Variants in IFT57 observed in about 807,000 individuals in gnomAD.
IFT57 encodes the protein intraflagellar transport 57.
A neutral mutation model predicts 56.8 loss-of-function variants in IFT57; 59 were observed. The ratio of observed to expected loss-of-function variants is 1.04; its 90% CI spans 0.84 to 1.29. The LOEUF is 1.29. Ranked by LOEUF, IFT57 falls within the 50% of genes most tolerant of loss-of-function variation. The pLI is 0.00. For synonymous variants in IFT57, 209 were observed against 186.1 expected (o/e 1.12, Z -1.00); for missense variants, 470 against 522.1 (o/e 0.90, Z 0.97).
intron 4 of IFT57, 144 bp downstream of exon 4, chr3:108,213,787 T>C (rs1343667317): frequency 1.6e-5 from 9 of 565,872 alleles, no homozygotes; most frequent in Non-Finnish European, 2.9e-5. Flanking sequence ...TAAATGATGA[T>C]ACTCAGCACT....
intron 6 of IFT57, among the ~76,000 whole-genome samples, chr3:108,169,887 G>A (rs327163): frequency 1 from 152,003 of 152,196 alleles, 75,905 homozygotes; most frequent in Middle Eastern, 1. Context: ...AACAGAACCA[G>A]TGACAAAAAC....
At chr3:108,163,316 C>A (rs866355613) in intron 10 of IFT57, among the ~76,000 whole-genome samples, 1 of 152,012 alleles carries the variant, frequency 6.6e-6, no homozygotes, top group South Asian at 2.1e-4. Flanking sequence ...ATACTTAGTG[C>A]CCTTTTGTAT....
At chr3:108,191,476 A>G (rs1314004975) in intron 6 of IFT57, 45 bp downstream of exon 6, 4 of 1,361,290 alleles carry the variant, frequency 2.9e-6, no homozygotes, top group Non-Finnish European at 4.0e-6. Context: ...AAGTTTCCTT[A>G]TAACTTTTTT....
intron 5 of IFT57, among the ~76,000 whole-genome samples, chr3:108,202,526 T>C (rs1277217695): frequency 6.6e-6 from 1 of 152,222 alleles, no homozygotes; most frequent in Non-Finnish European, 1.5e-5. Flanking sequence ...TAGCTTTGGC[T>C]AAATTTCAGA....
chr3:108,202,207 C>T (rs527743186), intron 5 of IFT57, among the ~76,000 whole-genome samples: 3 of 152,326 alleles, frequency 2.0e-5, no homozygotes, highest in East Asian at 3.9e-4. Context: ...GACACATCTG[C>T]ATTATGCTGC....
Position 108,163,662 on chromosome 3 carries a change from C to A in IFT57, c.1111+1G>T. On this transcript the variant is annotated splice_donor_variant, in intron 10 of 10. Coordinates refer to ENST00000264538, the MANE Select transcript of IFT57 (RefSeq NM_018010.4). LOFTEE classifies it high-confidence loss of function. The stretch of plus-strand genomic sequence containing the variant: ...TTCCCCTAAAATGAGCATGTACTTA[C>A]CACCATCAGTCATGCTGCTGCCCTT... 1 of 1,606,276 alleles carries A rather than the reference C, an allele frequency of 6.2e-7. No homozygotes were observed. The highest frequency in any genetic ancestry group is 8.5e-7 in the Non-Finnish European group (1 of 1,173,686).
rs963904467 is a variant in IFT57 at position 108,189,705 on chromosome 3, C to T, written c.777+1816G>A. Among the ~76,000 whole-genome samples the T allele has an allele frequency of 4.6e-5, 7 of 152,170 alleles. No homozygotes were observed. The East Asian group carries it at 5.8e-4, about 13-fold the overall frequency. On this transcript the variant is annotated intron_variant, in intron 6 of 10. Coordinates refer to ENST00000264538, the MANE Select transcript of IFT57 (RefSeq NM_018010.4). Reference sequence around the variant, plus strand: ...TTCTGAAGTCATTACAGTTGACCCTCGAACAATGCAGAGGTTGGTCGTTAG... The same window carrying T: ...TTCTGAAGTCATTACAGTTGACCCTTGAACAATGCAGAGGTTGGTCGTTAG...
chr3:108,219,475 G>A lies in IFT57; in HGVS notation c.310C>T (p.Gln104Ter), dbSNP rs756910256. 5 of 1,613,728 alleles carry A rather than the reference G, an allele frequency of 3.1e-6. No homozygotes were observed. The East Asian group carries it at 6.7e-5, about 22-fold the overall frequency. ...TTAGGGTCATCATATTCTTGAGGCTGCTCAAAGGGACGTCCCGCTTTATTA... is the reference window on the plus strand; with the variant it reads ...TTAGGGTCATCATATTCTTGAGGCTACTCAAAGGGACGTCCCGCTTTATTA... ...LINKAGRPFE[Q>*]PQEYDDPNAT... Residue 104 changes from glutamine to a stop codon, truncating the protein, a stop_gained, in exon 2 of 11, where the codon CAG becomes TAG. Transcript: ENST00000264538. LOFTEE classifies it high-confidence loss of function.
intron 6 of IFT57, among the ~76,000 whole-genome samples, chr3:108,178,201 G>A (rs2080134183): frequency 2.0e-5 from 3 of 151,836 alleles, no homozygotes; most frequent in Non-Finnish European, 4.4e-5. Context: ...AACCTTTTCA[G>A]TAAACTGTCT....
At chr3:108,175,162 G>T (rs571795435) in intron 6 of IFT57, among the ~76,000 whole-genome samples, 95 of 151,830 alleles carry the variant, frequency 6.3e-4, no homozygotes, top group African/African-American at 2.2e-3. Context: ...TCTTGCTGGG[G>T]TCTACTGGTC....
chr3:108,171,633 C>G (rs2080092810), intron 6 of IFT57, among the ~76,000 whole-genome samples: 1 of 151,864 alleles, frequency 6.6e-6, no homozygotes, highest in Non-Finnish European at 1.5e-5. Flanking sequence ...AAGGCCCCTC[C>G]AAGTCAGCTA....
chr3:108,185,137 T>C (rs73850827), intron 6 of IFT57, among the ~76,000 whole-genome samples: 2,109 of 152,290 alleles, frequency 0.014, 45 homozygotes, highest in African/African-American at 0.048. Flanking sequence ...CTTTCGCTTT[T>C]TGCAAAATAC....
intron 4 of IFT57, among the ~76,000 whole-genome samples, chr3:108,210,860 G>C (rs539306719): frequency 6.6e-6 from 1 of 152,306 alleles, no homozygotes; most frequent in South Asian, 2.1e-4. Context: ...AAGGCCTTCA[G>C]TTTGCTCTTA....
At chr3:108,217,900 A>C (rs925095399) in intron 3 of IFT57, among the ~76,000 whole-genome samples, 1 of 151,976 alleles carries the variant, frequency 6.6e-6, no homozygotes, top group Non-Finnish European at 1.5e-5. Flanking sequence ...TCTATTAAAC[A>C]TCTAAGATAC....
intron 3 of IFT57, among the ~76,000 whole-genome samples, chr3:108,217,984 C>A (rs1294346683): frequency 7.2e-6 from 1 of 138,466 alleles, no homozygotes; most frequent in African/African-American, 2.6e-5. Context: ...TAGTAAAGAA[C>A]AATTTTATAC....
chr3:108,172,148 CCA>C (rs1299422247), intron 6 of IFT57, among the ~76,000 whole-genome samples: 1 of 151,820 alleles, frequency 6.6e-6, no homozygotes, highest in Non-Finnish European at 1.5e-5. Flanking sequence ...ATGTAAAACT[CCA>C]TGGAGGGGCT....
chr3:108,213,416 T>C (rs943318942), intron 4 of IFT57, among the ~76,000 whole-genome samples: 2 of 152,220 alleles, frequency 1.3e-5, no homozygotes, highest in African/African-American at 4.8e-5. Context: ...CTCTGTCATC[T>C]TTAGCTGCAC....
chr3:108,167,753 G>T, intron 7 of IFT57, 40 bp downstream of exon 7: 2 of 1,333,026 alleles, frequency 1.5e-6, no homozygotes, highest in South Asian at 1.5e-5. Context: ...TTCCACAGAT[G>T]AGTAAATGTA....
chr3:108,215,117 T>C (rs1449785215), intron 3 of IFT57, among the ~76,000 whole-genome samples: 1 of 152,240 alleles, frequency 6.6e-6, no homozygotes, highest in East Asian at 1.9e-4. Context: ...GATCCTAACA[T>C]TAAACTTTGA....
Sources: allele counts gnomAD v4.1 joint callset (sites outside exome capture counted in the v4.1 genomes callset), GRCh38; gene constraint gnomAD v4.1.1; transcripts MANE v1.5; gene names NCBI Gene and HGNC (gene_info 2026-07-23, HGNC 2026-07-21).